The following SMIM21 variants were observed in gnomAD, a reference collection of about 807,000 sequenced individuals.
SMIM21 encodes the protein chromosome 18 open reading frame 62.
Under a neutral mutation model 8.6 loss-of-function variants are expected in SMIM21, and 8 were observed. The observed-to-expected ratio is 0.93, with a 90% CI of 0.55 to 1.68. The LOEUF (loss-of-function observed/expected upper bound fraction) is 1.68, where lower values mean the gene tolerates loss of function less well. SMIM21 is among the 40% of genes most tolerant of loss of function. SMIM21 has a pLI of 0.00. For synonymous variants in SMIM21, 43 were observed against 41.7 expected (o/e 1.03, Z -0.12); for missense variants, 132 against 123.0 (o/e 1.07, Z -0.35).
chr18:75,415,082 A>T (rs879328037), intron 2 of SMIM21, among the ~76,000 whole-genome samples: 4 of 152,074 alleles, frequency 2.6e-5, no homozygotes, highest in African/African-American at 4.8e-5. Flanking sequence ...GTGGGTCCCT[A>T]ATGGAAGAGA....
intron 1 of SMIM21, among the ~76,000 whole-genome samples, chr18:75,419,311 A>G: frequency 6.6e-6 from 1 of 152,210 alleles, no homozygotes; most frequent in East Asian, 1.9e-4. Flanking sequence ...ATCTGTGACC[A>G]GTATGACTTT....
intron 1 of SMIM21, among the ~76,000 whole-genome samples, chr18:75,423,428 C>T (rs9789146): frequency 1.2e-4 from 19 of 152,124 alleles, no homozygotes; most frequent in Non-Finnish European, 2.8e-4. Context: ...AGAACAGAAA[C>T]ATTTAATTTA....
chr18:75,426,119 T>C (rs185756945), intron 1 of SMIM21, among the ~76,000 whole-genome samples: 7 of 152,282 alleles, frequency 4.6e-5, no homozygotes, highest in African/African-American at 7.2e-5. Context: ...ACCATCATCA[T>C]GTACCTAAGA....
At chr18:75,421,875 G>C (rs138289146) in intron 1 of SMIM21, among the ~76,000 whole-genome samples, 8 of 152,066 alleles carry the variant, frequency 5.3e-5, no homozygotes, top group Admixed American at 2.0e-4. Context: ...CCTCATTCAG[G>C]CTCTGGAAAA....
At chr18:75,411,450 AACTC>A in intron 2 of SMIM21, among the ~76,000 whole-genome samples, 1 of 152,236 alleles carries the variant, frequency 6.6e-6, no homozygotes. Context: ...TTTGCTGTCT[AACTC>A]ACGAATGATG....
chr18:75,412,885 T>C (rs1181967955), intron 2 of SMIM21, among the ~76,000 whole-genome samples: 6 of 152,196 alleles, frequency 3.9e-5, no homozygotes, highest in Non-Finnish European at 8.8e-5. Context: ...CTCATTGCTG[T>C]TCGTTGTACC....
At chr18:75,421,476 C>G (rs2024707931) in intron 1 of SMIM21, among the ~76,000 whole-genome samples, 1 of 151,352 alleles carries the variant, frequency 6.6e-6, no homozygotes, top group South Asian at 2.1e-4. Flanking sequence ...GCTGTGGCCA[C>G]AAGTCGGGAG....
chr18:75,424,504 G>A (rs2024741051), intron 1 of SMIM21, among the ~76,000 whole-genome samples: 1 of 152,144 alleles, frequency 6.6e-6, no homozygotes, highest in Admixed American at 6.5e-5. Context: ...ATGGGGTGGA[G>A]GATCACTCTT....
chr18:75,416,815 T>C (rs1357016304), intron 2 of SMIM21: 1 of 152,304 alleles, frequency 6.6e-6, no homozygotes, highest in South Asian at 2.1e-4. Flanking sequence ...TGTGCTGCTT[T>C]TTTTGTTCCA....
intron 1 of SMIM21, among the ~76,000 whole-genome samples, chr18:75,424,935 C>T (rs1039871173): frequency 2.6e-5 from 4 of 152,218 alleles, no homozygotes; most frequent in African/African-American, 9.6e-5. Context: ...ATGTGCTGCA[C>T]ATCACACTCC....
intron 2 of SMIM21, among the ~76,000 whole-genome samples, chr18:75,411,755 C>T (rs1405598030): frequency 6.6e-6 from 1 of 152,192 alleles, no homozygotes; most frequent in African/African-American, 2.4e-5. Flanking sequence ...TTAAATAAAG[C>T]ACCTATTTTA....
chr18:75,411,070 C>T (rs900921424), intron 2 of SMIM21, among the ~76,000 whole-genome samples, 161 bp from the exon 3 acceptor site: 1 of 152,140 alleles, frequency 6.6e-6, no homozygotes, highest in Non-Finnish European at 1.5e-5. Flanking sequence ...GGATTATACT[C>T]ACCGGAGCAA....
At chr18:75,415,962 T>C (rs2024639539) in intron 2 of SMIM21, 1 of 152,268 alleles carries the variant, frequency 6.6e-6, no homozygotes, top group South Asian at 2.1e-4. Flanking sequence ...CTGGCAGATA[T>C]TACGCTGCAG....
At chr18:75,425,192 G>T (rs916889050) in intron 1 of SMIM21, among the ~76,000 whole-genome samples, 1 of 152,082 alleles carries the variant, frequency 6.6e-6, no homozygotes, top group East Asian at 1.9e-4. Flanking sequence ...GATTCCACTG[G>T]ACACCAAGCT....
At chr18:75,418,765 C>T (rs763242327) in intron 2 of SMIM21, 21 bp downstream of exon 2, 12 of 1,583,980 alleles carry the variant, frequency 7.6e-6, no homozygotes, top group Non-Finnish European at 9.4e-6. Context: ...TTTTTAACTG[C>T]TAAGGTTATC....
At chr18:75,414,842 G>A (rs558767346) in intron 2 of SMIM21, among the ~76,000 whole-genome samples, 65 of 152,164 alleles carry the variant, frequency 4.3e-4, no homozygotes, top group African/African-American at 1.3e-3. Flanking sequence ...GGTATTTTGC[G>A]TACCCCGCTC....
rs1199748852 is a variant in SMIM21, at chr18:75,414,118, CACAT to C, written c.261-3213_261-3210del. Among the ~76,000 whole-genome samples the C allele has an allele frequency of 5.4e-3, 758 of 140,160 alleles. 7 individuals are homozygous for C. Among genetic ancestry groups the C allele is most frequent in the Admixed American group, 0.027 (376 of 13,864 alleles). 92.0% of individuals were successfully genotyped at this position (140,160 alleles called of 152,430 possible). On this transcript the variant is annotated intron_variant, in intron 2 of 2. Transcript: ENST00000579022. ...ACACATACACACACACACACACACA[CACAT>C]ACACACACACACACACACAGTCATT...
At position 75,418,798 on chromosome 18, in the gene SMIM21, C is replaced by T; in HGVS notation, c.248G>A (p.Ser83Asn). 6.2e-6 allele frequency: 10 copies of T among 1,608,246 alleles called. No homozygotes were observed. The highest frequency in any genetic ancestry group is 8.5e-6 in the Non-Finnish European group (10 of 1,177,050). ...GVSEDWKRANSIFRNFLRLKS... is the reference protein window; with the variant it reads ...GVSEDWKRANNIFRNFLRLKS... ...ATCGTTTACCTACTTTCGAAATATG[C>T]TGTTGGCCCTTTTCCAGTCTTCAGA... Residue 83 changes from serine (S) to asparagine (N), a missense_variant, in exon 2 of 3, where the codon AGC becomes AAC. Physicochemically the swap from Ser to Asn is conservative, Grantham distance 46. Transcript: ENST00000579022.
At chr18:75,411,832 A>G (rs1034490518) in intron 2 of SMIM21, among the ~76,000 whole-genome samples, 1 of 152,234 alleles carries the variant, frequency 6.6e-6, no homozygotes, top group Non-Finnish European at 1.5e-5. Context: ...AATGTCTGAC[A>G]AAAGATCTTT....
Sources: gnomAD v4.1 joint callset for allele counts (sites outside exome capture counted in the v4.1 genomes callset) on GRCh38, gnomAD v4.1.1 for gene constraint, MANE v1.5 for transcripts, NCBI Gene and HGNC (gene_info 2026-07-23, HGNC 2026-07-21) for gene names.